Variants in ESF1 observed in about 807,000 individuals in gnomAD.
The protein encoded by ESF1 is ESF1 nucleolar pre-rRNA processing protein.
A neutral mutation model predicts 92.0 loss-of-function variants in ESF1; 58 were observed. The observed-to-expected ratio is 0.63, with a 90% confidence interval of 0.51 to 0.78. The LOEUF (loss-of-function observed/expected upper bound fraction) is 0.78, where lower values mean the gene tolerates loss of function less well. Among genes scored for constraint, ESF1 ranks in the 30% least tolerant of loss-of-function variants. The pLI is 0.00. For synonymous variants in ESF1, 321 were observed against 313.7 expected (o/e 1.02, Z -0.24); for missense variants, 922 against 989.1 (o/e 0.93, Z 0.91).
intron 9 of ESF1, among the ~76,000 whole-genome samples, chr20:13,745,855 T>C (rs1462229099): frequency 6.6e-6 from 1 of 152,212 alleles, no homozygotes; most frequent in East Asian, 1.9e-4. Context: ...TAGGAATAGA[T>C]GTATCTGCGG....
chr20:13,718,575 A>AT (rs2049846183), intron 12 of ESF1, among the ~76,000 whole-genome samples: 1 of 152,220 alleles, frequency 6.6e-6, no homozygotes, highest in African/African-American at 2.4e-5. Flanking sequence ...ACTTATGGCA[A>AT]TATTATTTTG....
In ESF1 at chr20:13,782,922, G is replaced by T. The variant is rs748310039; in HGVS notation, c.219C>A (p.Asp73Glu). The change falls in exon 2 of 14, where the codon GAC (aspartate) becomes GAA (glutamate). Residue 73 changes from aspartate (D) to glutamate (E), a missense_variant. Transcript: ENST00000617257. ...STTEDLKRFY[D>E]LSDSDSNLSG... ...AGAGATTGGAATCAGAATCTGAAAGGTCGTAAAAACGCTTCAAATCCTCTG... is the reference window on the plus strand; with the variant it reads ...AGAGATTGGAATCAGAATCTGAAAGTTCGTAAAAACGCTTCAAATCCTCTG... The T allele has an allele frequency of 3.7e-6, 6 of 1,613,906 alleles. No individual in the cohort carries two copies. Among genetic ancestry groups the T allele is most frequent in the Non-Finnish European group, 8.5e-7 (1 of 1,180,020 alleles).
intron 9 of ESF1, among the ~76,000 whole-genome samples, chr20:13,748,896 CT>C (rs1360731050): frequency 6.6e-6 from 1 of 151,838 alleles, no homozygotes; most frequent in Non-Finnish European, 1.5e-5. Flanking sequence ...CCCTCAAAGG[CT>C]ATTTTAAAAT....
intron 9 of ESF1, among the ~76,000 whole-genome samples, chr20:13,746,927 TC>T (rs2050053169): frequency 6.6e-6 from 1 of 152,202 alleles, no homozygotes; most frequent in South Asian, 2.1e-4. Flanking sequence ...AAAAAGACTT[TC>T]CAAATAACTA....
intron 12 of ESF1, 40 bp downstream of exon 12, chr20:13,718,868 T>C (rs1403933025): frequency 6.9e-7 from 1 of 1,457,298 alleles, no homozygotes; most frequent in Non-Finnish European, 9.4e-7. Flanking sequence ...ATTGTACCTA[T>C]GAATTATCCA....
At position 13,782,326 on chromosome 20, in the gene ESF1, C is replaced by T. The variant is rs1025506760; in HGVS notation, c.637+178G>A. ...TCAAATTTTCATGTCTGTCTTCTAG[C>T]ACCACATCAAAAATTAATAATCACT... is the stretch of plus-strand genomic sequence containing the variant. On this transcript the variant is annotated intron_variant, in intron 2 of 13. Coordinates refer to ENST00000617257, the MANE Select transcript of ESF1 (RefSeq NM_001276380.2). Among the ~76,000 whole-genome samples, 9 of 152,204 alleles carry T rather than the reference C, an allele frequency of 5.9e-5. No individual in the cohort carries two copies. In the South Asian group the frequency reaches 6.2e-4, roughly 11 times the overall value.
intron 8 of ESF1, among the ~76,000 whole-genome samples, chr20:13,763,049 G>C (rs975157797): frequency 2.0e-5 from 3 of 151,934 alleles, no homozygotes; most frequent in African/African-American, 7.3e-5. Context: ...TTTTAGTAGA[G>C]ACGGGGTTTC....
chr20:13,771,548 AAATGT>A, intron 5 of ESF1, 65 bp from the exon 6 acceptor site: 1 of 1,321,536 alleles, frequency 7.6e-7, no homozygotes, highest in Non-Finnish European at 1.1e-6. Flanking sequence ...TTTAAAAAAT[AAATGT>A]AATTCTTTCA....
At chr20:13,775,513 A>C (rs6042356) in intron 3 of ESF1, among the ~76,000 whole-genome samples, 23,409 of 152,050 alleles carry the variant, frequency 0.15, 2,288 homozygotes, top group East Asian at 0.43. Context: ...CATGATCATG[A>C]GCTGATTTTT....
intron 9 of ESF1, among the ~76,000 whole-genome samples, chr20:13,754,933 A>G (rs1017581522): frequency 6.6e-6 from 1 of 152,236 alleles, no homozygotes; most frequent in African/African-American, 2.4e-5. Context: ...GAGACAAAGT[A>G]TAGCTTCAAG....
At chr20:13,755,286 A>T (rs1224547709) in intron 9 of ESF1, among the ~76,000 whole-genome samples, 1 of 152,242 alleles carries the variant, frequency 6.6e-6, no homozygotes, top group Admixed American at 6.5e-5. Flanking sequence ...CAGGACTTTT[A>T]CCATAATCAA....
intron 8 of ESF1, among the ~76,000 whole-genome samples, chr20:13,763,522 C>T (rs1722642893): frequency 6.6e-6 from 1 of 152,190 alleles, no homozygotes; most frequent in Admixed American, 6.5e-5. Context: ...CTTTATCTTA[C>T]AGCTGATAGT....
At chr20:13,758,075 AG>A (rs1978982428) in intron 9 of ESF1, among the ~76,000 whole-genome samples, 1 of 145,544 alleles carries the variant, frequency 6.9e-6, no homozygotes, top group Non-Finnish European at 1.5e-5. Flanking sequence ...TGACACAGAG[AG>A]CTCAACCCCT....
rs1048827346 is a variant in ESF1, at chr20:13,714,444, G to C, written c.*430C>G. The C allele has an allele frequency of 2.0e-5, 3 of 152,176 alleles. No individual in the cohort carries two copies. The highest frequency in any genetic ancestry group is 2.9e-5 in the Non-Finnish European group (2 of 68,144). The allele number at this position is 152,176 out of a possible 1,614,324, so 9.4% of individuals were successfully genotyped here. On this transcript the variant is annotated 3_prime_UTR_variant, in exon 14 of 14. Coordinates refer to ENST00000617257, the MANE Select transcript of ESF1 (RefSeq NM_001276380.2). The stretch of plus-strand genomic sequence containing the variant: ...GCTAGAAAAATAAATTATTTTAATA[G>C]TTATTTAAACATGCCTCCTGCTTCC...
At position 13,718,782 on chromosome 20, in the gene ESF1, C is replaced by CT. The variant is rs1568707267; in HGVS notation, c.2115+125dup. The CT allele has an allele frequency of 8.0e-6, 4 of 499,886 alleles. No individual in the cohort carries two copies. The Admixed American group carries it at 1.9e-4, about 24-fold the overall frequency. The allele number at this position is 499,886 out of a possible 1,614,324, so 31.0% of individuals were successfully genotyped here. On this transcript the variant is annotated intron_variant, in intron 12 of 13. Transcript: ENST00000617257. ...ACTGCTAAAATATTTAATTATGTCT[C>CT]TTACAATTTAGTTATAAATGCCACT...
intron 13 of ESF1, 151 bp downstream of exon 13, chr20:13,717,217 A>C: frequency 1.1e-6 from 1 of 930,092 alleles, no homozygotes; most frequent in South Asian, 1.7e-5. Context: ...CTCGGCCTCC[A>C]AAAAAGTGTT....
chr20:13,728,058 C>A (rs989768098), intron 11 of ESF1, among the ~76,000 whole-genome samples: 1 of 152,164 alleles, frequency 6.6e-6, no homozygotes, highest in Non-Finnish European at 1.5e-5. Flanking sequence ...ATTTATTCCT[C>A]TTTCTATTTC....
intron 9 of ESF1, among the ~76,000 whole-genome samples, chr20:13,735,525 T>C (rs1355150918): frequency 1.3e-5 from 2 of 152,142 alleles, no homozygotes; most frequent in East Asian, 3.8e-4. Flanking sequence ...CTAAGAAATG[T>C]AAACTGGGAT....
chr20:13,725,514 T>C (rs562081245), intron 11 of ESF1, among the ~76,000 whole-genome samples: 52 of 152,302 alleles, frequency 3.4e-4, no homozygotes, highest in East Asian at 2.1e-3. Context: ...CCCACACTAA[T>C]CTACTGAAAC....
Sources: gnomAD v4.1 joint callset for allele counts (sites outside exome capture counted in the v4.1 genomes callset) on GRCh38, gnomAD v4.1.1 for gene constraint, MANE v1.5 for transcripts, NCBI Gene and HGNC (gene_info 2026-07-23, HGNC 2026-07-21) for gene names.